The following LRGUK variants were observed in gnomAD, a reference collection of about 807,000 sequenced individuals.
LRGUK encodes the protein leucine rich repeats and guanylate kinase domain containing.
Under a neutral mutation model 76.0 loss-of-function variants are expected in LRGUK, and 65 were observed. The ratio of observed to expected loss-of-function variants is 0.85; its 90% CI spans 0.70 to 1.05. The LOEUF is 1.05. LRGUK is among the 50% of genes least tolerant of loss of function. LRGUK has a pLI of 0.00. For missense variants in LRGUK, 758 were observed against 732.8 expected, an observed-to-expected ratio of 1.03 and a Z score of -0.40; for synonymous variants, 268 against 265.6, an observed-to-expected ratio of 1.01 and a Z score of -0.09.
chr7:134,182,180 T>C (rs1261836589), intron 10 of LRGUK, among the ~76,000 whole-genome samples: 1 of 152,234 alleles, frequency 6.6e-6, no homozygotes, highest in African/African-American at 2.4e-5. Context: ...CATGAATCAG[T>C]AGTTCATTCT....
intron 8 of LRGUK, 96 bp from the exon 9 acceptor site, chr7:134,176,881 T>G: frequency 1.5e-6 from 1 of 678,210 alleles, no homozygotes; most frequent in African/African-American, 1.8e-5. Context: ...GATGAGGTAG[T>G]AGGTGAAAGG....
rs200883534 is a variant in LRGUK, at chr7:134,206,576, A to ATG, written c.1844-2119_1844-2118dup. Reference sequence around the variant, plus strand: ...TGTATGTGTATATATATATGTGTGTATGTGTGTGTGTGTATATATATATAG... The same window carrying ATG: ...TGTATGTGTATATATATATGTGTGTATGTGTGTGTGTGTGTATATATATATAG... On this transcript the variant is annotated intron_variant, in intron 15 of 15. Transcript: ENST00000645682. Among the ~76,000 whole-genome samples, 849 of 150,536 alleles carry ATG rather than the reference A, an allele frequency of 5.6e-3. 4 individuals carry two copies. The highest frequency in any genetic ancestry group is 9.7e-3 in the Non-Finnish European group (656 of 67,596).
chr7:134,160,431 G>T (rs1033637915), intron 6 of LRGUK, among the ~76,000 whole-genome samples: 1 of 151,942 alleles, frequency 6.6e-6, no homozygotes, highest in African/African-American at 2.4e-5. Flanking sequence ...ATAATAGAAA[G>T]GTTTTCTTTT....
At chr7:134,147,247 T>C (rs1458198359) in intron 4 of LRGUK, among the ~76,000 whole-genome samples, 1 of 151,636 alleles carries the variant, frequency 6.6e-6, no homozygotes, top group Non-Finnish European at 1.5e-5. Flanking sequence ...AAACCCTGTC[T>C]CTACTAAAAA....
At chr7:134,246,093 C>T (rs973029861) in intron 16 of LRGUK, among the ~76,000 whole-genome samples, 5 of 152,292 alleles carry the variant, frequency 3.3e-5, no homozygotes, top group African/African-American at 1.2e-4. Flanking sequence ...CGTTAGCGCT[C>T]ATGTGTCATG....
At chr7:134,213,089 A>G (rs1316276189), downstream of LRGUK, among the ~76,000 whole-genome samples, 1 of 152,192 alleles carries the variant, frequency 6.6e-6, no homozygotes, top group Non-Finnish European at 1.5e-5. Context: ...GGAACCACGT[A>G]CGCCTAAGCA....
At chr7:134,173,078 T>G (rs1351457726) in intron 7 of LRGUK, among the ~76,000 whole-genome samples, 1 of 152,012 alleles carries the variant, frequency 6.6e-6, no homozygotes, top group East Asian at 1.9e-4. Flanking sequence ...ACTTTTCCAC[T>G]TTCCTGAATA....
chr7:134,216,755 C>T (rs757567118), intron 15 of LRGUK, among the ~76,000 whole-genome samples: 4 of 152,018 alleles, frequency 2.6e-5, no homozygotes, highest in African/African-American at 4.8e-5. Flanking sequence ...TCTACAATTA[C>T]CAGATCTATA....
chr7:134,157,137 G>A (rs1441988091), intron 5 of LRGUK, among the ~76,000 whole-genome samples: 2 of 152,314 alleles, frequency 1.3e-5, no homozygotes, highest in East Asian at 1.9e-4. Flanking sequence ...GGAATTTAAC[G>A]GATGAAGAAA....
rs143580374 is a variant in LRGUK, at chr7:134,133,157, C to G, written c.298-3866C>G. Among the ~76,000 whole-genome samples the G allele has an allele frequency of 7.3e-3, 1,112 of 152,288 alleles. 18 individuals are homozygous for G. The highest frequency in any genetic ancestry group is 0.021 in the African/African-American group (852 of 41,556). ...CCCATGTTTGAGCACTCACCACATGCGAGGCACTGTTTGCCTCCTTCACAC... is the reference window on the plus strand; with the variant it reads ...CCCATGTTTGAGCACTCACCACATGGGAGGCACTGTTTGCCTCCTTCACAC... On this transcript the variant is annotated intron_variant, in intron 1 of 15. Transcript: ENST00000645682.
intron 12 of LRGUK, among the ~76,000 whole-genome samples, chr7:134,194,982 G>C (rs976739291): frequency 2.6e-5 from 4 of 152,160 alleles, no homozygotes; most frequent in African/African-American, 9.7e-5. Context: ...GAGCATTTGG[G>C]GATCACAGTT....
intron 8 of LRGUK, among the ~76,000 whole-genome samples, chr7:134,176,469 T>G (rs1006808160): frequency 2.4e-4 from 37 of 152,100 alleles, no homozygotes; most frequent in African/African-American, 8.9e-4. Flanking sequence ...AAGCTCCGCC[T>G]CCTGGGTTCA....
intron 12 of LRGUK, among the ~76,000 whole-genome samples, chr7:134,192,503 C>T (rs1800298455): frequency 1.3e-5 from 2 of 152,232 alleles, no homozygotes; most frequent in Admixed American, 1.3e-4. Flanking sequence ...CCCTGACAAT[C>T]TGGTTATTGA....
chr7:134,151,418 A>T (rs1283055987), intron 5 of LRGUK, among the ~76,000 whole-genome samples: 1 of 152,090 alleles, frequency 6.6e-6, no homozygotes, highest in Non-Finnish European at 1.5e-5. Flanking sequence ...AAGCTAAATT[A>T]AAAAATTAAA....
intron 7 of LRGUK, among the ~76,000 whole-genome samples, 169 bp downstream of exon 7, chr7:134,163,709 TA>T (rs1378241883): frequency 6.6e-6 from 1 of 152,220 alleles, no homozygotes; most frequent in Non-Finnish European, 1.5e-5. Flanking sequence ...GGGTTGTTTT[TA>T]AAAATACTTA....
intron 15 of LRGUK, among the ~76,000 whole-genome samples, chr7:134,203,474 G>C (rs1800873381): frequency 1.3e-5 from 2 of 152,162 alleles, no homozygotes. Flanking sequence ...AACCAATGCT[G>C]TTTTGTAATT....
chr7:134,274,014 T>C, the LRGUK span, among the ~76,000 whole-genome samples: 1 of 152,214 alleles, frequency 6.6e-6, no homozygotes, highest in Non-Finnish European at 1.5e-5. Context: ...TGTTTGGTTG[T>C]GTATACACAT....
intron 5 of LRGUK, among the ~76,000 whole-genome samples, chr7:134,152,670 A>G (rs1585446546): frequency 1.3e-5 from 2 of 152,092 alleles, no homozygotes; most frequent in South Asian, 2.1e-4. Context: ...GTGGAAAACA[A>G]TTTTATATTG....
At position 134,196,301 on chromosome 7, in the gene LRGUK, C is replaced by A. The variant is rs145143900; in HGVS notation, c.1432-691C>A. On this transcript the variant is annotated intron_variant, in intron 12 of 15. Transcript: ENST00000645682. ...AGAGACATCTTTTTACTTGCCCCAC[C>A]CCTCCTTTTTTTTTTCCCAAGGGAA... 4.7e-5 allele frequency among the ~76,000 whole-genome samples: 7 copies of A among 150,384 alleles called. No individual in the cohort carries two copies. The East Asian group carries it at 1.6e-3, about 34-fold the overall frequency.
Sources: gnomAD v4.1 joint callset for allele counts (sites outside exome capture counted in the v4.1 genomes callset) on GRCh38, gnomAD v4.1.1 for gene constraint, MANE v1.5 for transcripts, NCBI Gene and HGNC (gene_info 2026-07-23, HGNC 2026-07-21) for gene names.